Variants in HS6ST2 observed in about 807,000 individuals in gnomAD.
The protein encoded by HS6ST2 is heparan-sulfate 6-O-sulfotransferase 2.
Under a neutral mutation model 33.0 loss-of-function variants are expected in HS6ST2, and 17 were observed. That is an observed-to-expected ratio of 0.52 (90% CI 0.35 to 0.77). The LOEUF (loss-of-function observed/expected upper bound fraction) is 0.77. HS6ST2 is among the 30% of genes least tolerant of loss of function. The pLI is 0.01. For synonymous variants in HS6ST2, 248 were observed against 237.1 expected (o/e 1.05, Z -0.42); for missense variants, 519 against 551.7 (o/e 0.94, Z 0.59).
At chrX:132,629,516 G>A (rs1279543344) in intron 4 of HS6ST2, among the ~76,000 whole-genome samples, 1 of 112,151 alleles carries the variant, frequency 8.9e-6, no homozygotes, top group Non-Finnish European at 1.9e-5. Flanking sequence ...GAGACTCATT[G>A]GAAGCACATA....
rs1021865451 is a variant in HS6ST2, at chrX:132,872,023, C to A, written c.947+84785G>T. Among the ~76,000 whole-genome samples, 24 of 111,519 alleles carry A rather than the reference C, an allele frequency of 2.2e-4. 1 individual carries two copies. The Admixed American group carries it at 2.3e-3, about 11-fold the overall frequency. On this transcript the variant is annotated intron_variant, in intron 2 of 4. Transcript: ENST00000370833. ...TGTGTTAAGCTCTAGCCACTGTGTT[C>A]CCTTGCCTTCCAACACCTTTTTAGG...
At chrX:132,751,133 C>A (rs970801456) in intron 2 of HS6ST2, among the ~76,000 whole-genome samples, 1 of 111,675 alleles carries the variant, frequency 9.0e-6, no homozygotes, top group Non-Finnish European at 1.9e-5. Context: ...ACAGTCTAGT[C>A]ACCCACAGCT....
chrX:132,702,020 G>A (rs962338520), intron 3 of HS6ST2, among the ~76,000 whole-genome samples: 1 of 112,268 alleles, frequency 8.9e-6, no homozygotes, highest in Non-Finnish European at 1.9e-5. Flanking sequence ...AAGTTCCTGT[G>A]ACATTTACAA....
At position 132,626,249 on chromosome X, in the gene HS6ST2, T is replaced by A. The variant is rs2063480532; in HGVS notation, c.*1974A>T. On this transcript the variant is annotated 3_prime_UTR_variant, in exon 5 of 5. Coordinates refer to ENST00000370833, the MANE Select transcript of HS6ST2 (RefSeq NM_001394073.1). ...CACAGCAATAACACAAAATGTTTTT[T>A]CTGTAACAAGCTTTTCCACTGGCTC... The A allele has an allele frequency of 1.8e-5, 2 of 112,874 alleles. No individual in the cohort carries two copies. Among genetic ancestry groups the A allele is most frequent in the South Asian group, 7.3e-4 (2 of 2,730 alleles). The allele number at this position is 112,874 out of a possible 1,213,427, so 9.3% of individuals were successfully genotyped here. A position where few individuals can be genotyped will look rare whatever the true frequency, so the allele number is the denominator to read the frequency against.
chrX:132,875,912 T>C (rs1455933779), intron 2 of HS6ST2, among the ~76,000 whole-genome samples: 1 of 110,317 alleles, frequency 9.1e-6, no homozygotes, highest in Non-Finnish European at 1.9e-5. Flanking sequence ...TGCCTCAGGG[T>C]ATTCAAAAGG....
chrX:132,816,552 G>T (rs757880800), intron 2 of HS6ST2, among the ~76,000 whole-genome samples: 33 of 112,144 alleles, frequency 2.9e-4, no homozygotes, highest in African/African-American at 9.4e-4. Flanking sequence ...GGAAATAAAA[G>T]GAGCATATTA....
intron 3 of HS6ST2, among the ~76,000 whole-genome samples, chrX:132,706,840 T>A (rs1421831930): frequency 1.8e-5 from 2 of 111,981 alleles, no homozygotes; most frequent in African/African-American, 6.5e-5. Context: ...TTGCAAATAG[T>A]TTTCATACAT....
intron 4 of HS6ST2, among the ~76,000 whole-genome samples, chrX:132,647,170 T>G (rs2063652045): frequency 9.0e-6 from 1 of 111,126 alleles, no homozygotes; most frequent in African/African-American, 3.3e-5. Context: ...TTCCTTCCTC[T>G]CTCAGTCTTC....
At chrX:132,821,173 T>C (rs1320392701) in intron 2 of HS6ST2, among the ~76,000 whole-genome samples, 1 of 108,094 alleles carries the variant, frequency 9.3e-6, no homozygotes, top group African/African-American at 3.4e-5. Flanking sequence ...TTTTCCTCAC[T>C]GTAATGAAAT....
chrX:132,676,341 A>G (rs908128747), intron 3 of HS6ST2, among the ~76,000 whole-genome samples: 1 of 112,183 alleles, frequency 8.9e-6, no homozygotes, highest in Non-Finnish European at 1.9e-5. Flanking sequence ...GAAGGCAAGC[A>G]TGTTAACAGC....
At chrX:132,766,169 A>G (rs1256617506) in intron 2 of HS6ST2, among the ~76,000 whole-genome samples, 1 of 112,713 alleles carries the variant, frequency 8.9e-6, no homozygotes, top group Non-Finnish European at 1.9e-5. Flanking sequence ...AAATCACTGT[A>G]GTACAGCATT....
chrX:132,910,728 T>C (rs2066523391), intron 2 of HS6ST2, among the ~76,000 whole-genome samples: 1 of 111,865 alleles, frequency 8.9e-6, no homozygotes, highest in Non-Finnish European at 1.9e-5. Flanking sequence ...TATTCCTTTG[T>C]TCCAGGGCGT....
intron 2 of HS6ST2, among the ~76,000 whole-genome samples, chrX:132,728,178 T>C (rs1210545662): frequency 1.8e-5 from 2 of 112,166 alleles, no homozygotes; most frequent in Non-Finnish European, 3.8e-5. Context: ...AATTGCCGGA[T>C]CATATAATAC....
At chrX:132,909,837 G>A (rs767224026) in intron 2 of HS6ST2, among the ~76,000 whole-genome samples, 77 of 111,188 alleles carry the variant, frequency 6.9e-4, no homozygotes, top group Admixed American at 2.9e-4. Flanking sequence ...CTTGGTATAC[G>A]AAACATTACA....
At position 132,672,977 on chromosome X, in the gene HS6ST2, A is replaced by G. The variant is rs4440768; in HGVS notation, c.981-3778T>C. Among the ~76,000 whole-genome samples, 4 of 111,969 alleles carry G rather than the reference A, an allele frequency of 3.6e-5. No homozygotes were observed. In the South Asian group the frequency reaches 1.5e-3, roughly 42 times the overall value. On this transcript the variant is annotated intron_variant, in intron 3 of 4. Coordinates refer to ENST00000370833, the MANE Select transcript of HS6ST2 (RefSeq NM_001394073.1). ...ACTTTTTTGATGGGTGGCATATAGA[A>G]ACTTCTGCATCTCCTTTGTAAGCTC...
intron 2 of HS6ST2, among the ~76,000 whole-genome samples, chrX:132,945,433 G>A (rs190060746): frequency 8.9e-6 from 1 of 111,833 alleles, no homozygotes; most frequent in African/African-American, 3.2e-5. Flanking sequence ...CAACCATTGT[G>A]GAAGTCAGTG....
At chrX:132,922,270 G>A (rs1399049517) in intron 2 of HS6ST2, among the ~76,000 whole-genome samples, 1 of 111,531 alleles carries the variant, frequency 9.0e-6, no homozygotes, top group African/African-American at 3.3e-5. Context: ...TTAGCCAGGT[G>A]TGGTGGCGGG....
intron 2 of HS6ST2, among the ~76,000 whole-genome samples, chrX:132,836,437 G>T (rs1235651235): frequency 1.8e-5 from 2 of 112,868 alleles, no homozygotes; most frequent in African/African-American, 6.4e-5. Flanking sequence ...GGGCCCCTGT[G>T]CCCACAAATG....
chrX:132,910,217 T>C (rs188271837), intron 2 of HS6ST2, among the ~76,000 whole-genome samples: 7 of 112,153 alleles, frequency 6.2e-5, no homozygotes, highest in Non-Finnish European at 1.3e-4. Flanking sequence ...CAACAGTTCC[T>C]GGAATTTTAG....
Sources: allele counts gnomAD v4.1 joint callset (sites outside exome capture counted in the v4.1 genomes callset), GRCh38; gene constraint gnomAD v4.1.1; transcripts MANE v1.5; gene names NCBI Gene and HGNC (gene_info 2026-07-23, HGNC 2026-07-21).